Variants in FRAS1 observed in about 807,000 individuals in gnomAD.
The protein encoded by FRAS1 is extracellular matrix organizing protein FRAS1.
A neutral mutation model predicts 435.2 loss-of-function variants in FRAS1; 290 were observed. The observed-to-expected ratio is 0.67, with a 90% CI of 0.61 to 0.73. The LOEUF (loss-of-function observed/expected upper bound fraction) is 0.73. Ranked by LOEUF, FRAS1 falls within the 30% of genes least tolerant of loss-of-function variation. The pLI is 0.00. For missense variants in FRAS1, 4,860 were observed against 5,001.5 expected (o/e 0.97, Z 0.85); for synonymous variants, 1,800 against 1,851.0 (o/e 0.97, Z 0.71).
At chr4:78,064,867 ATTG>A (rs1739927997) in intron 1 of FRAS1, among the ~76,000 whole-genome samples, 3 of 151,848 alleles carry the variant, frequency 2.0e-5, no homozygotes, top group Non-Finnish European at 4.4e-5. Flanking sequence ...TGTGTGGAGC[ATTG>A]TTAAGATATG....
intron 29 of FRAS1, among the ~76,000 whole-genome samples, chr4:78,389,622 A>G (rs1439249018): frequency 6.6e-6 from 1 of 152,204 alleles, no homozygotes; most frequent in Non-Finnish European, 1.5e-5. Context: ...GGACAGATGA[A>G]GTCTAGACAG....
chr4:78,137,191 C>T (rs1380690785), intron 2 of FRAS1, among the ~76,000 whole-genome samples: 1 of 152,172 alleles, frequency 6.6e-6, no homozygotes, highest in Non-Finnish European at 1.5e-5. Flanking sequence ...TCAGTTTTTT[C>T]CTTCAGGTAA....
rs116007412 is a variant in FRAS1, at chr4:78,381,510, G to A, written c.3563+1514G>A. On this transcript the variant is annotated intron_variant, in intron 27 of 73. Coordinates refer to ENST00000512123, the MANE Select transcript of FRAS1 (RefSeq NM_025074.7). ...TCACTGTATTTGCCAGGCTGGTCTC[G>A]AACTCCTGACTGCAAGTGATCTGCC... Among the ~76,000 whole-genome samples the A allele has an allele frequency of 2.9e-3, 436 of 152,218 alleles. 2 individuals are homozygous for A. The highest frequency in any genetic ancestry group is 4.7e-3 in the Non-Finnish European group (322 of 68,002).
At chr4:78,105,732 A>C (rs1440968714) in intron 2 of FRAS1, among the ~76,000 whole-genome samples, 22 of 152,042 alleles carry the variant, frequency 1.4e-4, no homozygotes, top group Admixed American at 1.4e-3. Context: ...GAAATGTAAG[A>C]TGAGAGGAGG....
chr4:78,260,101 T>C (rs1170696945), intron 6 of FRAS1, among the ~76,000 whole-genome samples: 3 of 152,056 alleles, frequency 2.0e-5, no homozygotes, highest in Non-Finnish European at 1.5e-5. Context: ...TTTTGGTTAC[T>C]GTAGCCTTGT....
At chr4:78,116,713 C>T (rs1354743708) in intron 2 of FRAS1, among the ~76,000 whole-genome samples, 1 of 152,118 alleles carries the variant, frequency 6.6e-6, no homozygotes, top group Non-Finnish European at 1.5e-5. Context: ...TTATTTTGAG[C>T]CTATGTGTGT....
intron 2 of FRAS1, among the ~76,000 whole-genome samples, chr4:78,143,775 G>T (rs1277246340): frequency 6.6e-6 from 1 of 150,858 alleles, no homozygotes; most frequent in African/African-American, 2.4e-5. Flanking sequence ...ATGATGTTGC[G>T]GGCCTGTGGT....
At chr4:78,101,301 G>A (rs535903262) in intron 2 of FRAS1, among the ~76,000 whole-genome samples, 7 of 152,188 alleles carry the variant, frequency 4.6e-5, no homozygotes, top group African/African-American at 1.7e-4. Flanking sequence ...GAACACCTTT[G>A]TGCTTGCTTT....
chr4:78,284,567 A>C lies in FRAS1; in HGVS notation c.1399+19A>C. The C allele has an allele frequency of 6.3e-7, 1 of 1,594,274 alleles. No homozygotes were observed. The highest frequency in any genetic ancestry group is 8.5e-7 in the Non-Finnish European group (1 of 1,170,668). ...TGTTTAGGTATGGCTCCAAGTGGAC[A>C]ACCCAGAGGTGGTGGTGTGTGGGAG... On this transcript the variant is annotated intron_variant, in intron 13 of 73. Transcript: ENST00000512123.
At chr4:78,403,034 A>G (rs1405585086) in intron 30 of FRAS1, among the ~76,000 whole-genome samples, 1 of 152,148 alleles carries the variant, frequency 6.6e-6, no homozygotes, top group Non-Finnish European at 1.5e-5. Flanking sequence ...TTTCCACTCT[A>G]AAGTTACTAT....
chr4:78,372,919 T>A, intron 24 of FRAS1, 61 bp downstream of exon 24: 2 of 1,511,520 alleles, frequency 1.3e-6, no homozygotes, highest in South Asian at 2.7e-5. Context: ...TGATTTGTAC[T>A]GTTCTCAGAA....
At chr4:78,147,076 T>G (rs1720450644) in intron 2 of FRAS1, among the ~76,000 whole-genome samples, 1 of 152,158 alleles carries the variant, frequency 6.6e-6, no homozygotes, top group African/African-American at 2.4e-5. Flanking sequence ...TCCTGGATGT[T>G]TTATAGGCTA....
chr4:78,502,564 T>C (rs560689218), intron 61 of FRAS1, among the ~76,000 whole-genome samples: 22 of 136,520 alleles, frequency 1.6e-4, no homozygotes, highest in Admixed American at 5.0e-4. Context: ...CACATTGATT[T>C]TGTGTCCTGA....
chr4:78,099,901 C>A (rs950208055), intron 2 of FRAS1, among the ~76,000 whole-genome samples: 13 of 152,080 alleles, frequency 8.5e-5, no homozygotes, highest in Admixed American at 3.3e-4. Flanking sequence ...TTAGAGGGGG[C>A]TGGATTTCTT....
At chr4:78,453,451 A>G (rs545690527) in intron 47 of FRAS1, among the ~76,000 whole-genome samples, 1 of 152,118 alleles carries the variant, frequency 6.6e-6, no homozygotes, top group Non-Finnish European at 1.5e-5. Context: ...TCAGGGGAGA[A>G]CCTACACAAG....
rs1162342327 is a variant in FRAS1 at position 78,142,514 on chromosome 4, G to A, written c.108+76498G>A. Among the ~76,000 whole-genome samples the A allele has an allele frequency of 3.3e-5, 5 of 151,998 alleles. No homozygotes were observed. The South Asian group carries it at 1.0e-3, about 32-fold the overall frequency. ...TAGGTGATACAAAAAGATCCGTCAGGGTTGCAGATAATGAACGGAGTTATC... is the reference window on the plus strand; with the variant it reads ...TAGGTGATACAAAAAGATCCGTCAGAGTTGCAGATAATGAACGGAGTTATC... On this transcript the variant is annotated intron_variant, in intron 2 of 73. Transcript: ENST00000512123.
chr4:78,541,282 A>C lies in FRAS1; in HGVS notation c.*158A>C. On this transcript the variant is annotated 3_prime_UTR_variant, in exon 74 of 74. Transcript: ENST00000512123. ...CATCAACTCACAACTGAGCTACCTCATTCAGCAAAGAACCACTGAGAACCC... is the reference window on the plus strand; with the variant it reads ...CATCAACTCACAACTGAGCTACCTCCTTCAGCAAAGAACCACTGAGAACCC... 9.2e-6 allele frequency: 4 copies of C among 433,422 alleles called. No homozygotes were observed. The highest frequency in any genetic ancestry group is 1.6e-5 in the Non-Finnish European group (4 of 250,820). 26.8% of individuals were successfully genotyped at this position (433,422 alleles called of 1,614,324 possible).
At chr4:78,145,792 T>A (rs1365315775) in intron 2 of FRAS1, among the ~76,000 whole-genome samples, 1 of 152,184 alleles carries the variant, frequency 6.6e-6, no homozygotes, top group Non-Finnish European at 1.5e-5. Context: ...CTACGTGTTG[T>A]GGGAAGCACC....
At chr4:78,449,473 A>T (rs1354721597) in intron 44 of FRAS1, among the ~76,000 whole-genome samples, 2 of 152,182 alleles carry the variant, frequency 1.3e-5, no homozygotes, top group Admixed American at 6.5e-5. Flanking sequence ...AAACACCAGG[A>T]TGTATTATGC....
Sources: allele counts gnomAD v4.1 joint callset (sites outside exome capture counted in the v4.1 genomes callset), GRCh38; gene constraint gnomAD v4.1.1; transcripts MANE v1.5; gene names NCBI Gene and HGNC (gene_info 2026-07-23, HGNC 2026-07-21).